Variants in GABRB1 observed in about 807,000 individuals in gnomAD.
The protein encoded by GABRB1 is gamma-aminobutyric acid receptor subunit beta-1.
Under a neutral mutation model 51.6 loss-of-function variants are expected in GABRB1, and 17 were observed. The ratio of observed to expected loss-of-function variants is 0.33; its 90% CI spans 0.23 to 0.49. The LOEUF (loss-of-function observed/expected upper bound fraction) is 0.49. Ranked by LOEUF, GABRB1 falls within the 20% of genes least tolerant of loss-of-function variation. GABRB1 has a pLI of 0.99. For synonymous variants in GABRB1, 247 were observed against 218.9 expected, an observed-to-expected ratio of 1.13 and a Z score of -1.14; for missense variants, 410 against 600.6, an observed-to-expected ratio of 0.68 and a Z score of 3.32.
chr4:47,216,054 G>A (rs1341724617), intron 4 of GABRB1, among the ~76,000 whole-genome samples: 21 of 151,946 alleles, frequency 1.4e-4, no homozygotes, highest in Middle Eastern at 3.4e-3. Context: ...AAGAATAATA[G>A]GATCTCCAAG....
At chr4:47,263,644 C>T (rs947329563) in intron 4 of GABRB1, among the ~76,000 whole-genome samples, 1 of 151,994 alleles carries the variant, frequency 6.6e-6, no homozygotes, top group African/African-American at 2.4e-5. Context: ...CAAAGTAAAC[C>T]CTCAATGACA....
At chr4:47,409,621 A>G (rs547928646) in intron 8 of GABRB1, among the ~76,000 whole-genome samples, 201 of 152,316 alleles carry the variant, frequency 1.3e-3, no homozygotes, top group African/African-American at 4.7e-3. Context: ...AAAAGGCAAT[A>G]TTTGACACTA....
At chr4:47,017,583 T>A (rs1724786683) in intron 1 of GABRB1, among the ~76,000 whole-genome samples, 3 of 151,544 alleles carry the variant, frequency 2.0e-5, no homozygotes, top group African/African-American at 7.3e-5. Flanking sequence ...CAGGAAAGAG[T>A]AGCTGTAACC....
At chr4:47,078,967 T>A (rs1193667123) in intron 3 of GABRB1, among the ~76,000 whole-genome samples, 1 of 152,224 alleles carries the variant, frequency 6.6e-6, no homozygotes, top group Non-Finnish European at 1.5e-5. Context: ...GAAGCCCACT[T>A]GATCATGGTG....
At chr4:47,272,041 T>C (rs563646815) in intron 4 of GABRB1, among the ~76,000 whole-genome samples, 14 of 152,176 alleles carry the variant, frequency 9.2e-5, no homozygotes, top group Non-Finnish European at 1.9e-4. Flanking sequence ...AACGACTCCA[T>C]GTATGGTCCA....
chr4:47,086,706 A>T (rs958759555), intron 3 of GABRB1, among the ~76,000 whole-genome samples: 1 of 152,174 alleles, frequency 6.6e-6, no homozygotes, highest in Admixed American at 6.5e-5. Flanking sequence ...CTCTTATTTC[A>T]TTGGCTCACC....
intron 1 of GABRB1, among the ~76,000 whole-genome samples, chr4:47,000,147 T>C (rs1022330766): frequency 1.3e-5 from 2 of 152,122 alleles, no homozygotes; most frequent in Non-Finnish European, 2.9e-5. Context: ...CTCTCAATAA[T>C]GATAATACCT....
At chr4:47,091,170 C>T (rs536891024) in intron 3 of GABRB1, among the ~76,000 whole-genome samples, 1 of 151,792 alleles carries the variant, frequency 6.6e-6, no homozygotes, top group African/African-American at 2.4e-5. Context: ...TGCTAAACAT[C>T]GTACACAGGA....
At chr4:47,349,698 G>C (rs1270262732) in intron 5 of GABRB1, among the ~76,000 whole-genome samples, 2 of 152,146 alleles carry the variant, frequency 1.3e-5, no homozygotes, top group Non-Finnish European at 2.9e-5. Flanking sequence ...TATAAGGTTA[G>C]GTTCAACAAG....
intron 4 of GABRB1, among the ~76,000 whole-genome samples, chr4:47,212,038 C>A (rs1191400376): frequency 6.6e-6 from 1 of 152,094 alleles, no homozygotes; most frequent in Non-Finnish European, 1.5e-5. Flanking sequence ...ACAAGGATAT[C>A]TTTAGGGACT....
At chr4:47,385,647 A>G (rs1727767168) in intron 5 of GABRB1, among the ~76,000 whole-genome samples, 1 of 152,156 alleles carries the variant, frequency 6.6e-6, no homozygotes, top group African/African-American at 2.4e-5. Flanking sequence ...GATCTCTTAC[A>G]ATTCAATTCT....
At chr4:47,383,089 A>G (rs899969206) in intron 5 of GABRB1, among the ~76,000 whole-genome samples, 3 of 152,200 alleles carry the variant, frequency 2.0e-5, no homozygotes, top group African/African-American at 4.8e-5. Flanking sequence ...ACAACATTCT[A>G]TTCACATGGA....
intron 5 of GABRB1, among the ~76,000 whole-genome samples, chr4:47,336,066 A>T (rs1303505424): frequency 6.6e-6 from 1 of 152,224 alleles, no homozygotes; most frequent in Non-Finnish European, 1.5e-5. Flanking sequence ...AAGCCCTGAG[A>T]AAATGCCATC....
At chr4:47,048,485 G>C (rs763935345) in intron 3 of GABRB1, among the ~76,000 whole-genome samples, 3 of 152,116 alleles carry the variant, frequency 2.0e-5, no homozygotes, top group Non-Finnish European at 4.4e-5. Flanking sequence ...CTTACACATA[G>C]AGCAGGATGA....
At chr4:47,020,304 T>C (rs1724893156) in intron 1 of GABRB1, among the ~76,000 whole-genome samples, 1 of 152,176 alleles carries the variant, frequency 6.6e-6, no homozygotes, top group Non-Finnish European at 1.5e-5. Flanking sequence ...CATTCAAGGA[T>C]AGGTCTTCAA....
chr4:47,188,933 G>GA (rs1719310795), intron 4 of GABRB1, among the ~76,000 whole-genome samples: 1 of 151,932 alleles, frequency 6.6e-6, no homozygotes, highest in African/African-American at 2.4e-5. Context: ...AAACTTTTAT[G>GA]AAACAGTAGA....
chr4:47,001,546 C>G lies in GABRB1; in HGVS notation c.-20+7620C>G, dbSNP rs958810108. Among the ~76,000 whole-genome samples the G allele has an allele frequency of 2.6e-5, 4 of 152,178 alleles. 1 individual carries two copies. Among genetic ancestry groups the G allele is most frequent in the Admixed American group, 2.6e-4 (4 of 15,284 alleles). On this transcript the variant is annotated intron_variant, in intron 1 of 3. Transcript: ENST00000513567. ...GATTACCCTCCATAATTTGGGCGAG[C>G]CTCATCCAATCTGTTGAAGGCCTTA...
rs574767016 is a variant in GABRB1, at chr4:47,092,669, C to G, written c.240+60185C>G. On this transcript the variant is annotated intron_variant, in intron 3 of 8. Coordinates refer to ENST00000295454, the MANE Select transcript of GABRB1 (RefSeq NM_000812.4). ...GCCCAGGTTGGAGTGCAGTGGCGCT[C>G]TCTTGGCTCACTGGCTCACTGCAAC... 2.6e-5 allele frequency among the ~76,000 whole-genome samples: 4 copies of G among 151,088 alleles called. No homozygotes were observed. In the South Asian group the frequency reaches 8.4e-4, roughly 32 times the overall value.
chr4:47,292,414 T>G (rs945962539), intron 4 of GABRB1, among the ~76,000 whole-genome samples: 11 of 152,240 alleles, frequency 7.2e-5, no homozygotes, highest in Admixed American at 3.3e-4. Flanking sequence ...TTAAAAAATT[T>G]ACTTCTAAAA....
Sources: gnomAD v4.1 joint callset for allele counts (sites outside exome capture counted in the v4.1 genomes callset) on GRCh38, gnomAD v4.1.1 for gene constraint, MANE v1.5 for transcripts, NCBI Gene and HGNC (gene_info 2026-07-23, HGNC 2026-07-21) for gene names.